Variants in PANK1 observed in about 807,000 individuals in gnomAD.
PANK1 encodes pantothenic acid kinase 1.
In PANK1, 18 loss-of-function variants were observed where a neutral mutation model predicts 40.1. The ratio of observed to expected loss-of-function variants is 0.45; its 90% CI spans 0.31 to 0.67. The LOEUF (loss-of-function observed/expected upper bound fraction) is 0.67, where lower values mean the gene tolerates loss of function less well. Among genes scored for constraint, PANK1 ranks in the 30% least tolerant of loss-of-function variants. The pLI is 0.06. For missense variants in PANK1, 457 were observed against 599.6 expected (o/e 0.76, Z 2.48); for synonymous variants, 242 against 237.7 (o/e 1.02, Z -0.17).
chr10:89,634,735 G>A (rs1841752829), intron 1 of PANK1, among the ~76,000 whole-genome samples: 1 of 152,102 alleles, frequency 6.6e-6, no homozygotes, highest in African/African-American at 2.4e-5. Flanking sequence ...GATCAAAAGA[G>A]GACACTTCTT....
intron 1 of PANK1, chr10:89,639,336 C>A: frequency 6.2e-6 from 2 of 323,764 alleles, no homozygotes; most frequent in Non-Finnish European, 1.3e-5. Flanking sequence ...ATGACCTAAA[C>A]ATCCCCCATT....
At chr10:89,641,773 A>AAAT in intron 1 of PANK1, among the ~76,000 whole-genome samples, 2 of 148,656 alleles carry the variant, frequency 1.3e-5, no homozygotes, top group African/African-American at 2.5e-5. Flanking sequence ...ATAAATAAAT[A>AAAT]AAATAAAAAA....
rs529857828 is a variant in PANK1 at position 89,612,692 on chromosome 10, A to G, written c.293-644T>C. ...GCAGACATGAAATTCTAAAAAGAAC[A>G]ACTCGCATTATATCTAATTTATTTC... On this transcript the variant is annotated intron_variant, in intron 1 of 6. Coordinates refer to ENST00000307534, the MANE Select transcript of PANK1 (RefSeq NM_148977.3). 2.0e-5 allele frequency among the ~76,000 whole-genome samples: 3 copies of G among 152,362 alleles called. 1 individual carries two copies. Among genetic ancestry groups the G allele is most frequent in the Admixed American group, 1.3e-4 (2 of 15,310 alleles).
chr10:89,605,536 A>C (rs1031077778), intron 2 of PANK1, among the ~76,000 whole-genome samples: 2 of 152,186 alleles, frequency 1.3e-5, no homozygotes, highest in African/African-American at 4.8e-5. Context: ...CATTCTTTCA[A>C]GTTTTATCAT....
At chr10:89,640,247 G>A (rs1025912723) in intron 1 of PANK1, among the ~76,000 whole-genome samples, 36 of 152,186 alleles carry the variant, frequency 2.4e-4, no homozygotes, top group African/African-American at 8.4e-4. Context: ...CGAAGCTACT[G>A]TCATGACTTT....
intron 1 of PANK1, among the ~76,000 whole-genome samples, chr10:89,628,661 A>G (rs2133011409): frequency 6.6e-6 from 1 of 152,358 alleles, no homozygotes; most frequent in South Asian, 2.1e-4. Context: ...GATGAAATAC[A>G]TGGTGAATGT....
intron 1 of PANK1, chr10:89,614,067 A>G (rs1466004905): frequency 1.1e-5 from 5 of 456,222 alleles, no homozygotes; most frequent in Middle Eastern, 3.2e-4. Context: ...CCCCAATCAT[A>G]AAGTCTGACC....
chr10:89,643,486 C>G (rs954020002), intron 1 of PANK1, among the ~76,000 whole-genome samples: 18 of 152,186 alleles, frequency 1.2e-4, no homozygotes, highest in African/African-American at 4.1e-4. Flanking sequence ...CACCCACAGT[C>G]ATGTCAAAGG....
At chr10:89,595,231 A>C (rs1844526001) in intron 3 of PANK1, among the ~76,000 whole-genome samples, 1 of 152,132 alleles carries the variant, frequency 6.6e-6, no homozygotes, top group Non-Finnish European at 1.5e-5. Flanking sequence ...CAGGCAAATT[A>C]CTTGAGGTCA....
chr10:89,601,309 TAAAAA>T (rs11317815), intron 2 of PANK1, among the ~76,000 whole-genome samples: 2 of 52,676 alleles, frequency 3.8e-5, no homozygotes, highest in Non-Finnish European at 6.7e-5. Context: ...ACCCATCTCT[TAAAAA>T]AAAAAAAAAA....
At chr10:89,634,014 A>C (rs1841730613) in intron 1 of PANK1, among the ~76,000 whole-genome samples, 1 of 152,194 alleles carries the variant, frequency 6.6e-6, no homozygotes, top group Non-Finnish European at 1.5e-5. Context: ...TAAGATAGCT[A>C]TCTTTAAATA....
At chr10:89,579,613 C>T (rs1212882375), downstream of PANK1, 6 of 152,076 alleles carry the variant, frequency 3.9e-5, no homozygotes, top group Admixed American at 3.9e-4. Context: ...GAGGAGGTGG[C>T]AAGAATGAAA....
intron 1 of PANK1, among the ~76,000 whole-genome samples, chr10:89,619,244 T>A (rs1486089045): frequency 6.6e-6 from 1 of 152,242 alleles, no homozygotes; most frequent in African/African-American, 2.4e-5. Flanking sequence ...TGGCAGTTGA[T>A]GTTTTAAACA....
intron 3 of PANK1, 135 bp downstream of exon 3, chr10:89,599,117 T>G: frequency 1.4e-6 from 1 of 736,922 alleles, no homozygotes; most frequent in Non-Finnish European, 2.3e-6. Context: ...ACACACCATT[T>G]GATAAATTCT....
At chr10:89,580,614 T>C (rs1844033953), downstream of PANK1, 1 of 152,248 alleles carries the variant, frequency 6.6e-6, no homozygotes, top group Non-Finnish European at 1.5e-5. Context: ...TCCTATTCTT[T>C]GGTTAAGACT....
At chr10:89,614,486 A>G (rs890001265) in intron 1 of PANK1, among the ~76,000 whole-genome samples, 2 of 152,196 alleles carry the variant, frequency 1.3e-5, no homozygotes, top group Admixed American at 6.5e-5. Flanking sequence ...CAAACTGTAG[A>G]ATATTAGGCA....
intron 5 of PANK1, 41 bp downstream of exon 5, chr10:89,593,156 T>C (rs1312279176): frequency 6.2e-7 from 1 of 1,603,822 alleles, no homozygotes; most frequent in East Asian, 2.2e-5. Flanking sequence ...ATGATGTATA[T>C]GAATGACACA....
intron 6 of PANK1, among the ~76,000 whole-genome samples, chr10:89,588,085 C>T (rs997313840): frequency 1.3e-5 from 2 of 152,108 alleles, no homozygotes; most frequent in African/African-American, 4.8e-5. Flanking sequence ...ATTTGTCTTT[C>T]TGTGCCTGGC....
intron 1 of PANK1, chr10:89,614,150 C>A: frequency 2.5e-6 from 1 of 403,652 alleles, no homozygotes; most frequent in Non-Finnish European, 4.9e-6. Flanking sequence ...CTGGGCTATG[C>A]AACCAGTGCT....
Sources: gnomAD v4.1 joint callset for allele counts (sites outside exome capture counted in the v4.1 genomes callset) on GRCh38, gnomAD v4.1.1 for gene constraint, MANE v1.5 for transcripts, NCBI Gene and HGNC (gene_info 2026-07-23, HGNC 2026-07-21) for gene names.